The following TBXAS1 variants were observed in gnomAD, a reference collection of about 807,000 sequenced individuals.
TBXAS1 encodes the protein thromboxane-A synthase.
A neutral mutation model predicts 60.7 loss-of-function variants in TBXAS1; 48 were observed. The ratio of observed to expected loss-of-function variants is 0.79; its 90% CI spans 0.63 to 1.01. TBXAS1 has a LOEUF of 1.01. Ranked by LOEUF, TBXAS1 falls within the 50% of genes least tolerant of loss-of-function variation. The probability of loss-of-function intolerance (pLI) is 0.00; values close to 1 mark genes in which losing one functional copy is unlikely to be tolerated. For synonymous variants in TBXAS1, 287 were observed against 269.7 expected (o/e 1.06, Z -0.63); for missense variants, 685 against 686.3 (o/e 1.00, Z 0.02).
At chr7:139,879,799 G>T (rs112527388) in intron 3 of TBXAS1, among the ~76,000 whole-genome samples, 1 of 151,294 alleles carries the variant, frequency 6.6e-6, no homozygotes, top group Non-Finnish European at 1.5e-5. Flanking sequence ...CCTAAAGGCC[G>T]CCATTCAAAG....
chr7:139,957,330 C>T (rs1809942516), intron 7 of TBXAS1, among the ~76,000 whole-genome samples: 2 of 152,206 alleles, frequency 1.3e-5, no homozygotes, highest in Non-Finnish European at 2.9e-5. Flanking sequence ...CAGGTCTCAT[C>T]CCCAGGACCT....
chr7:139,979,955 C>T (rs909543826), intron 9 of TBXAS1, among the ~76,000 whole-genome samples: 1 of 151,460 alleles, frequency 6.6e-6, no homozygotes, highest in Admixed American at 6.6e-5. Flanking sequence ...ACGTAAAATC[C>T]ACATATCAGG....
chr7:139,934,835 C>T (rs1006314869), intron 4 of TBXAS1, among the ~76,000 whole-genome samples: 10 of 152,134 alleles, frequency 6.6e-5, no homozygotes, highest in Non-Finnish European at 8.8e-5. Context: ...TTTTTTGAGA[C>T]GGAGTCTTGC....
At chr7:139,788,781 C>G (rs542579807) in intron 4 of TBXAS1, among the ~76,000 whole-genome samples, 198 of 152,316 alleles carry the variant, frequency 1.3e-3, no homozygotes, top group Non-Finnish European at 2.2e-3. Context: ...TTGGCCTGCC[C>G]CAGACTGGGG....
chr7:139,905,051 CT>C (rs1272859272), intron 3 of TBXAS1, among the ~76,000 whole-genome samples: 2 of 84,658 alleles, frequency 2.4e-5, no homozygotes, highest in African/African-American at 6.1e-5. Flanking sequence ...TTCTTTCTTT[CT>C]TTCTTTCTCT....
At chr7:139,946,877 A>C (rs149788812) in intron 5 of TBXAS1, among the ~76,000 whole-genome samples, 291 of 152,320 alleles carry the variant, frequency 1.9e-3, no homozygotes, top group African/African-American at 6.7e-3. Context: ...GAAACCTACT[A>C]ATTTGCAGTG....
rs80274960 is a variant in TBXAS1, at chr7:139,942,667, A to G, written c.450+6360A>G. On this transcript the variant is annotated intron_variant, in intron 5 of 12. Transcript: ENST00000448866. The stretch of plus-strand genomic sequence containing the variant: ...TCTTCATAGATGAGTGCCTAAGGAT[A>G]TATGTGTCACTCAAGAGTAAATGAA... Among the ~76,000 whole-genome samples, 1,188 of 152,364 alleles carry G rather than the reference A, an allele frequency of 7.8e-3. 15 individuals are homozygous for G. Among genetic ancestry groups the G allele is most frequent in the African/African-American group, 0.028 (1,149 of 41,586 alleles).
At chr7:140,017,901 G>C in intron 12 of TBXAS1, 68 bp downstream of exon 12, 1 of 1,609,456 alleles carries the variant, frequency 6.2e-7, no homozygotes, top group Admixed American at 1.7e-5. Flanking sequence ...TTCTCTGCGT[G>C]AGAGCAGGCC....
intron 9 of TBXAS1, among the ~76,000 whole-genome samples, chr7:139,970,850 G>T (rs1811144650): frequency 6.6e-6 from 1 of 152,154 alleles, no homozygotes; most frequent in South Asian, 2.1e-4. Context: ...CAGGACATGT[G>T]TGTAGACTGG....
intron 7 of TBXAS1, among the ~76,000 whole-genome samples, chr7:139,955,915 A>G (rs1809834221): frequency 6.6e-6 from 1 of 152,184 alleles, no homozygotes; most frequent in African/African-American, 2.4e-5. Context: ...TACTCACCCT[A>G]TGAGAAAAAT....
At chr7:140,005,428 C>CAA (rs35568864) in intron 9 of TBXAS1, among the ~76,000 whole-genome samples, 1 of 148,618 alleles carries the variant, frequency 6.7e-6, no homozygotes, top group Admixed American at 6.7e-5. Flanking sequence ...GACTCTGTCT[C>CAA]AAAAAAAAAA....
At chr7:139,883,005 C>A (rs1391586004) in intron 3 of TBXAS1, among the ~76,000 whole-genome samples, 1 of 152,130 alleles carries the variant, frequency 6.6e-6, no homozygotes, top group East Asian at 1.9e-4. Flanking sequence ...TTAGGGGGGC[C>A]ATTATTCTCT....
At chr7:139,949,107 C>A (rs182724456) in intron 5 of TBXAS1, among the ~76,000 whole-genome samples, 1 of 152,158 alleles carries the variant, frequency 6.6e-6, no homozygotes, top group Non-Finnish European at 1.5e-5. Flanking sequence ...GTCAAAAGCA[C>A]GTAGAAGACC....
At chr7:139,821,794 C>A (rs987367164) in intron 4 of TBXAS1, among the ~76,000 whole-genome samples, 6 of 152,224 alleles carry the variant, frequency 3.9e-5, no homozygotes, top group Admixed American at 3.9e-4. Context: ...CCTTTCTGTC[C>A]AAACCCCCTT....
At chr7:139,792,997 T>C (rs1797435061) in intron 4 of TBXAS1, among the ~76,000 whole-genome samples, 1 of 152,208 alleles carries the variant, frequency 6.6e-6, no homozygotes, top group Non-Finnish European at 1.5e-5. Flanking sequence ...CTAGACAAAA[T>C]GTTCAGACCA....
At chr7:139,923,226 CTGAGGT>C (rs1398660970) in intron 4 of TBXAS1, among the ~76,000 whole-genome samples, 2 of 151,802 alleles carry the variant, frequency 1.3e-5, no homozygotes, top group South Asian at 2.1e-4. Flanking sequence ...ACTCAGAAGG[CTGAGGT>C]AAGAAAATTG....
chr7:139,786,256 A>G (rs370656544), intron 3 of TBXAS1, among the ~76,000 whole-genome samples: 1 of 151,828 alleles, frequency 6.6e-6, no homozygotes, highest in South Asian at 2.1e-4. Flanking sequence ...AGTAGAAATT[A>G]TTCATGTGAA....
chr7:139,824,823 C>CTTTTTTT (rs1569494921), upstream of TBXAS1, among the ~76,000 whole-genome samples: 1 of 46,208 alleles, frequency 2.2e-5, no homozygotes, highest in Non-Finnish European at 4.4e-5. Context: ...TTTTTCTTTT[C>CTTTTTTT]CTTTTCTTTT....
At chr7:139,800,648 C>A (rs768210327) in intron 4 of TBXAS1, among the ~76,000 whole-genome samples, 5 of 152,164 alleles carry the variant, frequency 3.3e-5, no homozygotes, top group Non-Finnish European at 5.9e-5. Flanking sequence ...TGTTAACCAT[C>A]GTTTCTCCAG....
Sources: allele counts gnomAD v4.1 joint callset (sites outside exome capture counted in the v4.1 genomes callset), GRCh38; gene constraint gnomAD v4.1.1; transcripts MANE v1.5; gene names NCBI Gene and HGNC (gene_info 2026-07-23, HGNC 2026-07-21).